ANGPT4: variants seen among roughly 807,000 people sequenced by gnomAD.
ANGPT4 encodes angiopoietin-4.
In ANGPT4, 50 loss-of-function variants were observed where a neutral mutation model predicts 53.0. The observed-to-expected ratio is 0.94, with a 90% confidence interval of 0.75 to 1.20. The LOEUF (loss-of-function observed/expected upper bound fraction) is 1.20. ANGPT4 is among the 50% of genes most tolerant of loss of function. The pLI, the probability that ANGPT4 is intolerant of heterozygous loss-of-function variation, is 0.00. For missense variants in ANGPT4, 648 were observed against 637.1 expected (o/e 1.02, Z -0.18); for synonymous variants, 251 against 259.7 (o/e 0.97, Z 0.32).
rs2122752056 is a variant in ANGPT4 at position 874,325 on chromosome 20, TTG to T, written c.1308_1309del (p.Asp436GlufsTer19). The T allele has an allele frequency of 6.2e-7, 1 of 1,614,172 alleles. No individual in the cohort carries two copies. The highest frequency in any genetic ancestry group is 8.5e-7 in the Non-Finnish European group (1 of 1,180,024). On this transcript the variant is annotated frameshift_variant, in exon 8 of 9. Coordinates refer to ENST00000381922, the MANE Select transcript of ANGPT4 (RefSeq NM_015985.4). LOFTEE classifies it low-confidence loss of function (END_TRUNC). ...GGCACACTTGCAGAGACAGTGGTCGTTGTCTGAGTCAAGGGTGCTAAAGCTGG... is the reference window on the plus strand; with the variant it reads ...GGCACACTTGCAGAGACAGTGGTCGTTCTGAGTCAAGGGTGCTAAAGCTGG...
chr20:879,499 T>C (rs1450905728), intron 6 of ANGPT4, among the ~76,000 whole-genome samples: 5 of 152,204 alleles, frequency 3.3e-5, no homozygotes, highest in South Asian at 2.1e-4. Flanking sequence ...AATGTATATG[T>C]ATTTTTTTAA....
chr20:899,443 C>T lies in ANGPT4; in HGVS notation c.310-9075G>A, dbSNP rs192294857. ...TTTTGTATTTTTTTTTTAGTAGAGACGGGGTTTCACCGTGTTAGCCAGGAT... is the reference window on the plus strand; with the variant it reads ...TTTTGTATTTTTTTTTTAGTAGAGATGGGGTTTCACCGTGTTAGCCAGGAT... On this transcript the variant is annotated intron_variant, in intron 1 of 8. Coordinates refer to ENST00000381922, the MANE Select transcript of ANGPT4 (RefSeq NM_015985.4). 3.0e-4 allele frequency among the ~76,000 whole-genome samples: 45 copies of T among 151,892 alleles called. 1 individual carries two copies. The highest frequency in any genetic ancestry group is 3.4e-3 in the Middle Eastern group (1 of 294).
chr20:914,156 G>T lies in ANGPT4; in HGVS notation c.309+1750C>A, dbSNP rs8122606. Among the ~76,000 whole-genome samples the T allele has an allele frequency of 4.7e-4, 71 of 152,258 alleles. No homozygotes were observed. The highest frequency in any genetic ancestry group is 1.6e-3 in the African/African-American group (65 of 41,528). ...TACTGTGTGTTCGGCACTATTCTAGGCCCTGGGAACCCAGAAGTGAGCAAA... is the reference window on the plus strand; with the variant it reads ...TACTGTGTGTTCGGCACTATTCTAGTCCCTGGGAACCCAGAAGTGAGCAAA... On this transcript the variant is annotated intron_variant, in intron 1 of 8. Transcript: ENST00000381922. This position sits in a 1 kb window ranked among gnomAD's most constrained non-coding sequence, Gnocchi z 5.0.
chr20:915,840 C>T, intron 1 of ANGPT4, 66 bp downstream of exon 1: 4 of 1,505,424 alleles, frequency 2.7e-6, no homozygotes, highest in East Asian at 2.3e-5. Flanking sequence ...ATGGACACTC[C>T]ACCTGCTGAT....
rs1982572213 is a variant in ANGPT4 at position 908,583 on chromosome 20, C to T, written c.309+7323G>A. On this transcript the variant is annotated intron_variant, in intron 1 of 8. Coordinates refer to ENST00000381922, the MANE Select transcript of ANGPT4 (RefSeq NM_015985.4). This position sits in a 1 kb window ranked among gnomAD's most constrained non-coding sequence, Gnocchi z 4.9. ...ATGGGAAATCACTAGGTTAGTTACA[C>T]CCACTGCTCCAGGGGCAAGGGGGAA... Among the ~76,000 whole-genome samples, 2 of 152,198 alleles carry T rather than the reference C, an allele frequency of 1.3e-5. No individual in the cohort carries two copies. The highest frequency in any genetic ancestry group is 4.8e-5 in the African/African-American group (2 of 41,446).
chr20:912,006 T>TGG (rs1265153709), intron 1 of ANGPT4, among the ~76,000 whole-genome samples: 2 of 151,782 alleles, frequency 1.3e-5, no homozygotes, highest in Non-Finnish European at 2.9e-5. Context: ...AGTTTCCAGG[T>TGG]GGGGTCAGCC....
Position 914,133 on chromosome 20 carries a change from C to T in ANGPT4, c.309+1773G>A, listed in dbSNP as rs1293798903. ...GCTACAGACATTTATTGAGTACCTA[C>T]TGTGTGTTCGGCACTATTCTAGGCC... On this transcript the variant is annotated intron_variant, in intron 1 of 8. Coordinates refer to ENST00000381922, the MANE Select transcript of ANGPT4 (RefSeq NM_015985.4). This position sits in a 1 kb window ranked among gnomAD's most constrained non-coding sequence, Gnocchi z 5.0. Among the ~76,000 whole-genome samples the T allele has an allele frequency of 2.0e-5, 3 of 152,182 alleles. No individual in the cohort carries two copies. The highest frequency in any genetic ancestry group is 4.4e-5 in the Non-Finnish European group (3 of 68,048).
chr20:902,428 G>A (rs749217414), intron 1 of ANGPT4, among the ~76,000 whole-genome samples: 15 of 151,974 alleles, frequency 9.9e-5, no homozygotes, highest in Non-Finnish European at 1.8e-4. Context: ...GGCTATTACA[G>A]TGGTGATAGC....
intron 1 of ANGPT4, among the ~76,000 whole-genome samples, 199 bp downstream of exon 1, chr20:915,707 G>A (rs566374948): frequency 3.9e-5 from 6 of 152,216 alleles, no homozygotes; most frequent in East Asian, 3.9e-4. Context: ...ATGAAGGGAC[G>A]GCAGTTAAAG....
At position 874,330 on chromosome 20, in the gene ANGPT4, T is replaced by G. The variant is rs62641668; in HGVS notation, c.1305A>C (p.Ser435=). ...LQNTSFSTLD[S]DNDHCLCKCA... ...ACTTGCAGAGACAGTGGTCGTTGTC[T>G]GAGTCAAGGGTGCTAAAGCTGGTGT... Residue 435 remains serine (S), a synonymous_variant, in exon 8 of 9, where the codon TCA becomes TCC. Coordinates refer to ENST00000381922, the MANE Select transcript of ANGPT4 (RefSeq NM_015985.4). The G allele has an allele frequency of 6.1e-3, 9,806 of 1,614,190 alleles. 179 individuals carry two copies. The highest frequency in any genetic ancestry group is 0.04 in the African/African-American group (3,026 of 75,042).
At chr20:886,109 A>G (rs1464476562) in intron 3 of ANGPT4, among the ~76,000 whole-genome samples, 1 of 151,878 alleles carries the variant, frequency 6.6e-6, no homozygotes, top group African/African-American at 2.4e-5. Context: ...TATTATAATA[A>G]TCAAGAGACA....
Position 879,699 on chromosome 20 carries a change from C to T in ANGPT4, c.1053+48G>A, listed in dbSNP as rs555627321. ...TCCCCTTCCAACAGCCCAGCCCCAG[C>T]CCCAGGTTTCAGAGCAGAATGGCCC... On this transcript the variant is annotated intron_variant, in intron 6 of 8. Coordinates refer to ENST00000381922, the MANE Select transcript of ANGPT4 (RefSeq NM_015985.4). 52 of 1,545,470 alleles carry T rather than the reference C, an allele frequency of 3.4e-5. No individual in the cohort carries two copies. In the East Asian group the frequency reaches 1.0e-3, roughly 30 times the overall value.
chr20:873,052 A>G lies in ANGPT4; in HGVS notation c.1420T>C (p.Tyr474His). Reference protein sequence around the residue: ...GVYYHAPDNKYKMDGIRWHYF... With the variant: ...GVYYHAPDNKHKMDGIRWHYF... ...TGCCAGCGGATGCCGTCCATCTTGTACTTGTTGTCGGGAGCGTGGTAGTAG... is the reference window on the plus strand; with the variant it reads ...TGCCAGCGGATGCCGTCCATCTTGTGCTTGTTGTCGGGAGCGTGGTAGTAG... The change falls in exon 9 of 9, where the codon TAC becomes CAC. Residue 474 changes from tyrosine to histidine, a missense_variant. Tyr to His is a moderately conservative substitution (Grantham distance 83). Coordinates refer to ENST00000381922, the MANE Select transcript of ANGPT4 (RefSeq NM_015985.4). The G allele has an allele frequency of 1.2e-6, 2 of 1,614,002 alleles. No individual in the cohort carries two copies. Among genetic ancestry groups the G allele is most frequent in the Non-Finnish European group, 1.7e-6 (2 of 1,180,004 alleles).
chr20:897,975 T>C (rs991847648), intron 1 of ANGPT4, among the ~76,000 whole-genome samples: 14 of 152,312 alleles, frequency 9.2e-5, no homozygotes, highest in African/African-American at 3.4e-4. Context: ...ACCTGGATGA[T>C]TTTTTGTCAA....
intron 1 of ANGPT4, among the ~76,000 whole-genome samples, chr20:892,181 C>T (rs888107167): frequency 6.6e-6 from 1 of 152,042 alleles, no homozygotes; most frequent in African/African-American, 2.4e-5. Flanking sequence ...TCTCTGATCT[C>T]ATCAACACAA....
rs772585199 is a variant in ANGPT4, at chr20:879,721, G to A, written c.1053+26C>T. ...CAGCCCCAGGTTTCAGAGCAGAATG[G>A]CCCCTCCCCAAGGCAGCAGGGCTAC... On this transcript the variant is annotated intron_variant, in intron 6 of 8. Transcript: ENST00000381922. 3.8e-6 allele frequency: 6 copies of A among 1,598,694 alleles called. No individual in the cohort carries two copies. The African/African-American group carries it at 5.4e-5, about 14-fold the overall frequency.
At chr20:882,769 T>A (rs1328821131) in intron 4 of ANGPT4, among the ~76,000 whole-genome samples, 1 of 152,264 alleles carries the variant, frequency 6.6e-6, no homozygotes, top group Non-Finnish European at 1.5e-5. Context: ...CTCTGCTCAC[T>A]GTTATTTTCC....
At chr20:885,394 C>A in intron 3 of ANGPT4, 69 bp from the exon 4 acceptor site, 1 of 1,446,740 alleles carries the variant, frequency 6.9e-7, no homozygotes, top group South Asian at 1.5e-5. Flanking sequence ...GCGCGCCTCC[C>A]CGGCCCTGGA....
intron 1 of ANGPT4, among the ~76,000 whole-genome samples, chr20:899,475 G>A (rs1043229528): frequency 1.3e-5 from 2 of 151,752 alleles, no homozygotes; most frequent in Admixed American, 6.6e-5. Context: ...GGATATTCTC[G>A]ATTTCCTGAC....
Sources: allele counts gnomAD v4.1 joint callset (sites outside exome capture counted in the v4.1 genomes callset), GRCh38; gene constraint gnomAD v4.1.1; non-coding constraint Gnocchi (gnomAD v3.1); transcripts MANE v1.5; gene names NCBI Gene and HGNC (gene_info 2026-07-23, HGNC 2026-07-21).